The following LRRFIP2 variants were observed in gnomAD, a reference collection of about 807,000 sequenced individuals.
LRRFIP2 encodes the protein LRR binding FLII interacting protein 2.
A neutral mutation model predicts 125.9 loss-of-function variants in LRRFIP2; 109 were observed. The observed-to-expected ratio is 0.87, with a 90% CI of 0.74 to 1.01. LRRFIP2 has a LOEUF of 1.01. Ranked by LOEUF, LRRFIP2 falls within the 50% of genes least tolerant of loss-of-function variation. The pLI is 0.00. For synonymous variants in LRRFIP2, 291 were observed against 293.1 expected (o/e 0.99, Z 0.07); for missense variants, 850 against 862.3 (o/e 0.99, Z 0.18).
chr3:37,086,213 T>A (rs1401687722), intron 18 of LRRFIP2, among the ~76,000 whole-genome samples: 1 of 152,118 alleles, frequency 6.6e-6, no homozygotes, highest in Non-Finnish European at 1.5e-5. Context: ...TAATCAAAAA[T>A]ACAGAAGACA....
At chr3:37,076,798 G>A (rs369164775) in intron 19 of LRRFIP2, among the ~76,000 whole-genome samples, 1 of 151,572 alleles carries the variant, frequency 6.6e-6, no homozygotes, top group Non-Finnish European at 1.5e-5. Context: ...CCTGGGAGGC[G>A]GAGATTGTGG....
chr3:37,112,142 G>C (rs532722890), intron 8 of LRRFIP2, among the ~76,000 whole-genome samples: 1 of 151,928 alleles, frequency 6.6e-6, no homozygotes, highest in Non-Finnish European at 1.5e-5. Flanking sequence ...AGGCAGAGGC[G>C]GGCAGATCAC....
intron 6 of LRRFIP2, among the ~76,000 whole-genome samples, chr3:37,120,103 T>C (rs1473189130): frequency 6.6e-6 from 1 of 151,216 alleles, no homozygotes; most frequent in Non-Finnish European, 1.5e-5. Flanking sequence ...TCTGTTAATA[T>C]TCTTTTTTTT....
intron 15 of LRRFIP2, among the ~76,000 whole-genome samples, chr3:37,097,474 C>T (rs1406537110): frequency 1.3e-5 from 2 of 152,124 alleles, no homozygotes; most frequent in African/African-American, 4.8e-5. Context: ...ATAATGTAAG[C>T]TCTATATCAG....
rs1395110276 is a variant in LRRFIP2, at chr3:37,066,277, C to T, written c.1513G>A (p.Asp505Asn). Residue 505 changes from aspartate (D) to asparagine (N), a missense_variant, in exon 22 of 28, where the codon GAT (aspartate) becomes AAT (asparagine). Coordinates refer to ENST00000336686, the MANE Select transcript of LRRFIP2 (RefSeq NM_006309.4). ...EYIACLRNER[D>N]MLREELADLQ... ...TCAGCCAGCTCCTCTCTGAGCATAT[C>T]TCGCTCATTCCTAAGGCAGGCAATG... The T allele has an allele frequency of 5.6e-6, 9 of 1,614,162 alleles. No individual in the cohort carries two copies. The highest frequency in any genetic ancestry group is 1.7e-4 in the Middle Eastern group (1 of 6,060).
intron 2 of LRRFIP2, among the ~76,000 whole-genome samples, chr3:37,133,126 G>A (rs1371124126): frequency 1.3e-5 from 2 of 152,218 alleles, no homozygotes; most frequent in African/African-American, 2.4e-5. Context: ...TCCAGAGGCT[G>A]AGGCATGAGA....
intron 4 of LRRFIP2, among the ~76,000 whole-genome samples, chr3:37,126,028 G>GTTGTTGT (rs964502112): frequency 3.3e-5 from 5 of 151,110 alleles, no homozygotes; most frequent in Non-Finnish European, 5.9e-5. Context: ...TGTTGTTGTT[G>GTTGTTGT]TTGTTTGTTT....
chr3:37,172,695 CAT>C (rs1358192214), intron 1 of LRRFIP2: 1 of 152,140 alleles, frequency 6.6e-6, no homozygotes, highest in African/African-American at 2.4e-5. Flanking sequence ...CAAATGCATA[CAT>C]ATGTTCCCTA....
chr3:37,119,151 C>T (rs974592773), intron 6 of LRRFIP2, among the ~76,000 whole-genome samples: 1 of 152,054 alleles, frequency 6.6e-6, no homozygotes, highest in Non-Finnish European at 1.5e-5. Context: ...ACTAGAATCT[C>T]CTCTAGGATG....
At position 37,109,637 on chromosome 3, in the gene LRRFIP2, C is replaced by T. The variant is rs2094479182; in HGVS notation, c.564+16G>A. 6.2e-7 allele frequency: 1 copy of T among 1,613,900 alleles called. No homozygotes were observed. The highest frequency in any genetic ancestry group is 8.5e-7 in the Non-Finnish European group (1 of 1,179,918). On this transcript the variant is annotated intron_variant, in intron 10 of 27. Coordinates refer to ENST00000336686, the MANE Select transcript of LRRFIP2 (RefSeq NM_006309.4). Reference sequence around the variant, plus strand: ...TGGTAGCTCTAAAGGCAGAACATTCCTCAGAAAGTACTAACCCTGTCACTC... The same window carrying T: ...TGGTAGCTCTAAAGGCAGAACATTCTTCAGAAAGTACTAACCCTGTCACTC...
chr3:37,136,584 T>C (rs1490804586), intron 2 of LRRFIP2, among the ~76,000 whole-genome samples: 2 of 152,130 alleles, frequency 1.3e-5, no homozygotes, highest in Admixed American at 1.3e-4. Flanking sequence ...AACCTATTAA[T>C]AACAAGTTTG....
chr3:37,156,254 C>T (rs1327320082), intron 1 of LRRFIP2, among the ~76,000 whole-genome samples: 1 of 152,054 alleles, frequency 6.6e-6, no homozygotes, highest in East Asian at 1.9e-4. Context: ...CCGAGGCAGG[C>T]AAGTTGCTTG....
intron 4 of LRRFIP2, among the ~76,000 whole-genome samples, chr3:37,126,311 T>G (rs991795164): frequency 2.0e-5 from 3 of 152,100 alleles, no homozygotes; most frequent in African/African-American, 7.2e-5. Flanking sequence ...ATTACAGGCA[T>G]GGGCCACTAT....
chr3:37,082,601 C>A (rs946963241), intron 19 of LRRFIP2, among the ~76,000 whole-genome samples: 4 of 152,076 alleles, frequency 2.6e-5, no homozygotes, highest in African/African-American at 9.7e-5. Flanking sequence ...ACAAATGTAT[C>A]CATACATGTA....
chr3:37,147,281 T>C (rs978129145), intron 2 of LRRFIP2, among the ~76,000 whole-genome samples: 1 of 152,172 alleles, frequency 6.6e-6, no homozygotes, highest in African/African-American at 2.4e-5. Context: ...AGTTCAACCA[T>C]TGTAGAAGAC....
At chr3:37,105,657 G>A in intron 13 of LRRFIP2, 134 bp from the exon 14 acceptor site, 1 of 598,020 alleles carries the variant, frequency 1.7e-6, no homozygotes, top group South Asian at 2.3e-5. Flanking sequence ...TAATATAGTG[G>A]GCACCTTATA....
At chr3:37,173,293 G>A (rs1277659159) in intron 1 of LRRFIP2, among the ~76,000 whole-genome samples, 1 of 151,956 alleles carries the variant, frequency 6.6e-6, no homozygotes, top group Non-Finnish European at 1.5e-5. Flanking sequence ...AGGGCTCACT[G>A]CAGAACTCAT....
chr3:37,071,877 G>A (rs1033364019), intron 21 of LRRFIP2, among the ~76,000 whole-genome samples: 3 of 152,148 alleles, frequency 2.0e-5, no homozygotes, highest in Non-Finnish European at 2.9e-5. Context: ...AGATGAACTG[G>A]AGGGAATTTT....
At chr3:37,073,170 C>T (rs1012994544) in intron 20 of LRRFIP2, among the ~76,000 whole-genome samples, 10 of 152,240 alleles carry the variant, frequency 6.6e-5, no homozygotes, top group Non-Finnish European at 5.9e-5. Flanking sequence ...TGTGTACATA[C>T]AGCTCCATAT....
Sources: allele counts gnomAD v4.1 joint callset (sites outside exome capture counted in the v4.1 genomes callset), GRCh38; gene constraint gnomAD v4.1.1; transcripts MANE v1.5; gene names NCBI Gene and HGNC (gene_info 2026-07-23, HGNC 2026-07-21).